Variants in ASPM observed in about 807,000 individuals in gnomAD.
The protein encoded by ASPM is abnormal spindle-like microcephaly-associated protein.
In ASPM, 256 loss-of-function variants were observed where a neutral mutation model predicts 366.4. That is an observed-to-expected ratio of 0.70 (90% CI 0.63 to 0.77). ASPM has a LOEUF of 0.77. Among genes scored for constraint, ASPM ranks in the 30% least tolerant of loss-of-function variants. The pLI, the probability that ASPM is intolerant of heterozygous loss-of-function variation, is 0.00. For missense variants in ASPM, 4,146 were observed against 4,090.4 expected (o/e 1.01, Z -0.37); for synonymous variants, 1,414 against 1,342.9 (o/e 1.05, Z -1.16).
intron 16 of ASPM, among the ~76,000 whole-genome samples, chr1:197,119,173 G>A (rs1034162): frequency 0.76 from 115,978 of 152,112 alleles, 48,508 homozygotes; most frequent in East Asian, 0.98. Flanking sequence ...CTATATATTG[G>A]ATCATTCCTC....
intron 17 of ASPM, among the ~76,000 whole-genome samples, chr1:197,106,635 C>A (rs1283929897): frequency 6.6e-6 from 1 of 152,024 alleles, no homozygotes; most frequent in East Asian, 1.9e-4. Flanking sequence ...ATATGATCAT[C>A]TCCTCTCCTA....
Position 197,126,924 on chromosome 1 carries a change from C to T in ASPM, c.2936+1566G>A, listed in dbSNP as rs554768193. On this transcript the variant is annotated intron_variant, in intron 10 of 27. Transcript: ENST00000367409. ...GTGAACTGGTTGTTTGATAAAGACACGTCTGAATATTGGCAAGTTTTTAAA... is the reference window on the plus strand; with the variant it reads ...GTGAACTGGTTGTTTGATAAAGACATGTCTGAATATTGGCAAGTTTTTAAA... 7.2e-5 allele frequency among the ~76,000 whole-genome samples: 11 copies of T among 152,258 alleles called. No homozygotes were observed. In the South Asian group the frequency reaches 2.3e-3, roughly 32 times the overall value.
intron 17 of ASPM, among the ~76,000 whole-genome samples, chr1:197,111,333 C>T (rs1377898146): frequency 1.3e-5 from 2 of 151,956 alleles, no homozygotes; most frequent in East Asian, 1.9e-4. Context: ...TGAAAAAATG[C>T]CCATCACCAC....
chr1:197,104,819 G>A lies in ASPM; in HGVS notation c.4432C>T (p.His1478Tyr), dbSNP rs1441518738. Residue 1478 changes from histidine (H) to tyrosine (Y), a missense_variant, in exon 18 of 28, where the codon CAT becomes TAT. Around this residue, in one of 3 missense-constraint regions of ASPM, gnomAD observed 3,624 missense variants for 3,591.7 expected, o/e 1.01. Transcript: ENST00000367409. ...TAAATATATTTCCGTAATTCTTTAT[G>A]CATTCTATACCATGATTGTATGATA... ...AIIIQSWYRM[H>Y]KELRKYIYIR... 4 of 1,580,010 alleles carry A rather than the reference G, an allele frequency of 2.5e-6. No individual in the cohort carries two copies. Among genetic ancestry groups the A allele is most frequent in the Non-Finnish European group, 3.4e-6 (4 of 1,166,026 alleles).
Position 197,142,747 on chromosome 1 carries a change from G to T in ASPM, c.1505C>A (p.Ala502Asp). ...ILSATVTKRKATCTRENQTEI... is the reference protein window; with the variant it reads ...ILSATVTKRKDTCTRENQTEI... ...AGTTTGGTTTTCTCTGGTACAGGTG[G>T]CCTTCCTTTTAGTAACAGTGGCAGA... The change falls in exon 3 of 28, where the codon GCC becomes GAC. Residue 502 changes from alanine to aspartate, a missense_variant. By Grantham distance (126) the Ala-to-Asp change is moderately radical. Coordinates refer to ENST00000367409, the MANE Select transcript of ASPM (RefSeq NM_018136.5). 2 of 1,613,846 alleles carry T rather than the reference G, an allele frequency of 1.2e-6. No homozygotes were observed. The highest frequency in any genetic ancestry group is 1.3e-5 in the African/African-American group (1 of 74,994).
intron 4 of ASPM, among the ~76,000 whole-genome samples, chr1:197,135,623 CTTTTTTTTT>C (rs778898963): frequency 2.9e-5 from 2 of 69,820 alleles, no homozygotes; most frequent in African/African-American, 1.1e-4. Context: ...AAATATCTGT[CTTTTTTTTT>C]TTTTTTTTTT....
chr1:197,092,339 G>C (rs1656812575), intron 21 of ASPM, among the ~76,000 whole-genome samples: 1 of 151,636 alleles, frequency 6.6e-6, no homozygotes, highest in South Asian at 2.1e-4. Flanking sequence ...TGCCCTATTA[G>C]AGAAGGGTAT....
chr1:197,145,653 A>G (rs531736756), intron 1 of ASPM, among the ~76,000 whole-genome samples: 72 of 152,248 alleles, frequency 4.7e-4, no homozygotes, highest in Non-Finnish European at 9.0e-4. Flanking sequence ...TCAATCTTAA[A>G]AAAGTGTTAA....
chr1:197,127,891 C>T, intron 10 of ASPM, among the ~76,000 whole-genome samples: 1 of 152,106 alleles, frequency 6.6e-6, no homozygotes, highest in East Asian at 1.9e-4. Context: ...TTTGGCCAGG[C>T]ACGGTGGCTC....
At chr1:197,136,496 A>G (rs1658423426) in intron 4 of ASPM, among the ~76,000 whole-genome samples, 1 of 152,172 alleles carries the variant, frequency 6.6e-6, no homozygotes, top group Non-Finnish European at 1.5e-5. Context: ...TCAATAACCT[A>G]AAAAGAGTAG....
At chr1:197,130,247 C>T (rs528962815) in intron 7 of ASPM, among the ~76,000 whole-genome samples, 191 bp from the exon 8 acceptor site, 6 of 152,192 alleles carry the variant, frequency 3.9e-5, no homozygotes, top group South Asian at 2.1e-4. Context: ...ATATAGTATA[C>T]GTTGCAATGC....
chr1:197,113,382 A>C (rs1657645436), intron 17 of ASPM, among the ~76,000 whole-genome samples: 1 of 152,202 alleles, frequency 6.6e-6, no homozygotes, highest in Admixed American at 6.5e-5. Context: ...AGAAACAAAA[A>C]AAGAATATAT....
rs528664810 is a variant in ASPM at position 197,143,266 on chromosome 1, T to C, written c.986A>G (p.Asn329Ser). The part of the protein sequence containing the change: ...DSFVNNSHGA[N>S]NELELVTCLS... Reference sequence around the variant, plus strand: ...ACATGTTACTAATTCTAGTTCATTATTAGCTCCATGACTATTATTTACAAA... The same window carrying C: ...ACATGTTACTAATTCTAGTTCATTACTAGCTCCATGACTATTATTTACAAA... The change falls in exon 3 of 28, where the codon AAT becomes AGT. Residue 329 changes from asparagine (N) to serine (S), a missense_variant. Around this residue, in one of 3 missense-constraint regions of ASPM, gnomAD observed 512 missense variants for 471.7 expected, o/e 1.09. Coordinates refer to ENST00000367409, the MANE Select transcript of ASPM (RefSeq NM_018136.5). 8 of 1,612,904 alleles carry C rather than the reference T, an allele frequency of 5.0e-6. No individual in the cohort carries two copies. Among genetic ancestry groups the C allele is most frequent in the African/African-American group, 4.0e-5 (3 of 75,020 alleles).
At chr1:197,098,896 C>T (rs988272051) in intron 18 of ASPM, among the ~76,000 whole-genome samples, 1 of 151,596 alleles carries the variant, frequency 6.6e-6, no homozygotes, top group African/African-American at 2.4e-5. Context: ...AGTCAACTGC[C>T]TTACTAGATA....
rs142587742 is a variant in ASPM at position 197,102,549 on chromosome 1, T to C, written c.6702A>G (p.Gln2234=). The C allele has an allele frequency of 6.3e-5, 101 of 1,612,458 alleles. 1 individual carries two copies. In the African/African-American group the frequency reaches 1.2e-3, roughly 19 times the overall value. ...CAGAATGCCTCAGTTTGTTATACCT[T>C]TGAAATTGTATGTTTCTTTCTTTCA... ...WAMKERNIQF[Q]RYNKLRHSVI... The change falls in exon 18 of 28, where the codon CAA becomes CAG. Residue 2234 remains glutamine (Q), a synonymous_variant. Transcript: ENST00000367409.
chr1:197,103,019 G>A lies in ASPM; in HGVS notation c.6232C>T (p.Arg2078Ter), dbSNP rs199422168. ...TGATGGTTTGTAATTTTAATACCTC[G>A]ATACCATCTCTGAATTATAATAGCT... ...ASAIIIQRWY[R>*]GIKITNHQHK... The change falls in exon 18 of 28, where the codon CGA (arginine) becomes TGA (stop). Residue 2078 changes from arginine to a stop codon, truncating the protein, a stop_gained. Coordinates refer to ENST00000367409, the MANE Select transcript of ASPM (RefSeq NM_018136.5). LOFTEE classifies it high-confidence loss of function. 1.1e-5 allele frequency: 17 copies of A among 1,611,844 alleles called. No individual in the cohort carries two copies. Among genetic ancestry groups the A allele is most frequent in the Non-Finnish European group, 1.3e-5 (15 of 1,178,968 alleles).
chr1:197,093,267 A>G lies in ASPM; in HGVS notation c.9085-6T>C, dbSNP rs1443657126. On this transcript the variant is annotated splice_polypyrimidine_tract_variant and splice_region_variant and intron_variant, in intron 20 of 27. Transcript: ENST00000367409. The stretch of plus-strand genomic sequence containing the variant: ...AAACAAGCAGCTCGATGTCTCTATA[A>G]GGAAAAATTTACAAGTAACATTAAT... 6.2e-7 allele frequency: 1 copy of G among 1,609,490 alleles called. No individual in the cohort carries two copies. Among genetic ancestry groups the G allele is most frequent in the South Asian group, 1.1e-5 (1 of 90,996 alleles).
In ASPM at chr1:197,122,498, T is replaced by C. The variant is rs781554901; in HGVS notation, c.3488A>G (p.Gln1163Arg). 1 of 1,613,666 alleles carries C rather than the reference T, an allele frequency of 6.2e-7. No individual in the cohort carries two copies. Among genetic ancestry groups the C allele is most frequent in the South Asian group, 1.1e-5 (1 of 91,050 alleles). Residue 1163 changes from glutamine (Q) to arginine (R), a missense_variant, in exon 14 of 28, where the codon CAG (glutamine) becomes CGG (arginine). Transcript: ENST00000367409. ...ACATTCCACAGTTTGAGTAGTACGC[T>C]GACATATAGCGTCAAATGGCACATA... The part of the protein sequence containing the change: ...PCYVPFDAIC[Q>R]RTTQTVECTQ...
intron 9 of ASPM, 110 bp downstream of exon 9, chr1:197,129,077 A>T: frequency 7.9e-7 from 1 of 1,259,000 alleles, no homozygotes; most frequent in Non-Finnish European, 1.1e-6. Flanking sequence ...TCCTCTGAGT[A>T]TTATTCTTTG....
Sources: gnomAD v4.1 joint callset for allele counts (sites outside exome capture counted in the v4.1 genomes callset) on GRCh38, gnomAD v4.1.1 for gene constraint, gnomAD v4.1.1 regional missense constraint, MANE v1.5 for transcripts, NCBI Gene and HGNC (gene_info 2026-07-23, HGNC 2026-07-21) for gene names.